Variants in BET1 observed in about 807,000 individuals in gnomAD.
The protein encoded by BET1 is BET1 homolog.
In BET1, 9 loss-of-function variants were observed where a neutral mutation model predicts 13.9. The observed-to-expected ratio is 0.65, with a 90% CI of 0.39 to 1.13. The LOEUF (loss-of-function observed/expected upper bound fraction) is 1.13, where lower values mean the gene tolerates loss of function less well. Ranked by LOEUF, BET1 falls within the 50% of genes most tolerant of loss-of-function variation. BET1 has a pLI of 0.01. For synonymous variants in BET1, 39 were observed against 47.3 expected (o/e 0.82, Z 0.72); for missense variants, 127 against 133.6 (o/e 0.95, Z 0.24).
chr7:93,967,266 A>G (rs926473462), intron 6 of BET1, among the ~76,000 whole-genome samples: 1 of 151,828 alleles, frequency 6.6e-6, no homozygotes, highest in Non-Finnish European at 1.5e-5. Context: ...ACTCAACCTT[A>G]CAGTAGGTAT....
At chr7:93,977,650 G>A (rs1297877107) in intron 4 of BET1, among the ~76,000 whole-genome samples, 7 of 151,950 alleles carry the variant, frequency 4.6e-5, no homozygotes. Context: ...CTTGGCCACG[G>A]GACCAACCCT....
chr7:94,002,830 C>G (rs1040918359), intron 1 of BET1, among the ~76,000 whole-genome samples: 1 of 152,156 alleles, frequency 6.6e-6, no homozygotes, highest in Non-Finnish European at 1.5e-5. Context: ...TCACTTCCCC[C>G]ACTCTCCATT....
At chr7:93,975,956 G>A in exon 5 of BET1, 2 of 1,256,064 alleles carry the variant, frequency 1.6e-6, no homozygotes, top group Non-Finnish European at 2.1e-6. Context: ...GACATGTCAT[G>A]ATATAATTCT....
chr7:94,001,822 A>T (rs1295244862), intron 1 of BET1, among the ~76,000 whole-genome samples: 1 of 152,208 alleles, frequency 6.6e-6, no homozygotes, highest in East Asian at 1.9e-4. Context: ...GAATTCAAAC[A>T]TTTGACAACT....
chr7:93,973,627 G>A (rs1795293505), intron 5 of BET1, among the ~76,000 whole-genome samples: 1 of 151,948 alleles, frequency 6.6e-6, no homozygotes, highest in Non-Finnish European at 1.5e-5. Flanking sequence ...TACTGATCAT[G>A]GGGCGAGAAC....
downstream of BET1, chr7:93,992,034 T>C (rs1219762528): frequency 4.6e-5 from 45 of 985,226 alleles, no homozygotes; most frequent in South Asian, 2.0e-3. Context: ...ATATTTGTTT[T>C]AGATGGAAAA....
intron 3 of BET1, among the ~76,000 whole-genome samples, chr7:93,995,032 G>A (rs1056942675): frequency 3.3e-5 from 5 of 152,160 alleles, no homozygotes; most frequent in East Asian, 1.9e-4. Flanking sequence ...TTTTAGTAGA[G>A]ATGGGGTTTC....
At chr7:93,992,930 T>C (rs1389368562), downstream of BET1, 1 of 985,330 alleles carries the variant, frequency 1.0e-6, no homozygotes, top group Non-Finnish European at 1.2e-6. Flanking sequence ...CCACACTCAG[T>C]TCCGGTGGTT....
downstream of BET1, chr7:93,991,650 A>T (rs1200993178): frequency 3.7e-6 from 1 of 270,186 alleles, no homozygotes; most frequent in Non-Finnish European, 5.7e-6. Context: ...CCTGTTTTAC[A>T]AACAGAGAAA....
chr7:94,002,373 T>C (rs1396577875), intron 1 of BET1, among the ~76,000 whole-genome samples: 1 of 151,336 alleles, frequency 6.6e-6, no homozygotes, highest in Admixed American at 6.6e-5. Flanking sequence ...ACAAAAGCCT[T>C]TGTCACTTCA....
intron 1 of BET1, among the ~76,000 whole-genome samples, chr7:94,003,174 ATTTCT>A (rs1395132677): frequency 6.6e-6 from 1 of 151,876 alleles, no homozygotes; most frequent in Non-Finnish European, 1.5e-5. Context: ...GCTCAAAATT[ATTTCT>A]TTTTTTTTTC....
chr7:93,991,561 A>G (rs1795634878), downstream of BET1: 2 of 156,578 alleles, frequency 1.3e-5, no homozygotes, highest in Admixed American at 1.3e-4. Context: ...GAAATAAAAA[A>G]TTACTATTTT....
chr7:93,975,099 A>G (rs934148175), intron 5 of BET1, among the ~76,000 whole-genome samples: 4 of 152,064 alleles, frequency 2.6e-5, no homozygotes, highest in Non-Finnish European at 5.9e-5. Context: ...TGTCTGTTGT[A>G]TCTGATGTAA....
intron 4 of BET1, among the ~76,000 whole-genome samples, chr7:93,978,217 G>A (rs1173373120): frequency 6.6e-6 from 1 of 152,062 alleles, no homozygotes; most frequent in Non-Finnish European, 1.5e-5. Flanking sequence ...CTAAAGGCAT[G>A]TACCATGATG....
At chr7:93,991,349 A>G (rs1254277989), downstream of BET1, among the ~76,000 whole-genome samples, 1 of 152,200 alleles carries the variant, frequency 6.6e-6, no homozygotes, top group African/African-American at 2.4e-5. Flanking sequence ...AAGTTTCTCT[A>G]TTAAAATTTA....
chr7:93,988,616 T>C (rs1387095561), downstream of BET1, among the ~76,000 whole-genome samples: 2 of 152,186 alleles, frequency 1.3e-5, no homozygotes, highest in Non-Finnish European at 2.9e-5. Flanking sequence ...ATTTCATTAC[T>C]AGAAACAAGA....
At chr7:93,995,548 T>TC (rs1472352776) in intron 3 of BET1, among the ~76,000 whole-genome samples, 22 of 152,178 alleles carry the variant, frequency 1.4e-4, no homozygotes, top group African/African-American at 5.3e-4. Flanking sequence ...AATATTTACA[T>TC]CTAGATCCCT....
rs1302404635 is a variant in BET1, at chr7:93,994,525, T to A, written c.202-140A>T. On this transcript the variant is annotated intron_variant, in intron 3 of 3. Transcript: ENST00000222547. ...TTTAATCAATTCAGGAGCCTGTTGA[T>A]AACCTTGGATAATCAGCCTGATTTC... is the stretch of plus-strand genomic sequence containing the variant. 3 of 916,892 alleles carry A rather than the reference T, an allele frequency of 3.3e-6. No individual in the cohort carries two copies. The African/African-American group carries it at 5.1e-5, about 15-fold the overall frequency. 56.8% of individuals were successfully genotyped at this position (916,892 alleles called of 1,614,324 possible). A position where few individuals can be genotyped will look rare whatever the true frequency, so the allele number is the denominator to read the frequency against.
chr7:94,004,128 C>G, intron 1 of BET1, 70 bp downstream of exon 1: 1 of 1,608,416 alleles, frequency 6.2e-7, no homozygotes, highest in Non-Finnish European at 8.5e-7. Context: ...AAGACAGGTT[C>G]GATTTCCTCC....
Sources: gnomAD v4.1 joint callset for allele counts (sites outside exome capture counted in the v4.1 genomes callset) on GRCh38, gnomAD v4.1.1 for gene constraint, MANE v1.5 for transcripts, NCBI Gene and HGNC (gene_info 2026-07-23, HGNC 2026-07-21) for gene names.